The following DGKB variants were observed in gnomAD, a reference collection of about 807,000 sequenced individuals.
The protein encoded by DGKB is 90 kDa diacylglycerol kinase.
DGKB carries 67 observed loss-of-function variants against 114.3 expected under a neutral mutation model. The observed-to-expected ratio is 0.59, with a 90% CI of 0.48 to 0.72. The LOEUF (loss-of-function observed/expected upper bound fraction) is 0.72, where lower values mean the gene tolerates loss of function less well. Among genes scored for constraint, DGKB ranks in the 30% least tolerant of loss-of-function variants. DGKB has a pLI of 0.00. For missense variants in DGKB, 907 were observed against 975.2 expected (o/e 0.93, Z 0.93); for synonymous variants, 398 against 323.1 (o/e 1.23, Z -2.49).
At chr7:14,273,207 A>C (rs1320018046) in intron 23 of DGKB, among the ~76,000 whole-genome samples, 1 of 152,048 alleles carries the variant, frequency 6.6e-6, no homozygotes, top group Admixed American at 6.6e-5. Flanking sequence ...TTAGCTGGGC[A>C]TGGTGGGGCA....
chr7:14,731,238 CAGTT>C (rs1830870299), intron 5 of DGKB, among the ~76,000 whole-genome samples: 2 of 152,256 alleles, frequency 1.3e-5, no homozygotes, highest in South Asian at 4.1e-4. Flanking sequence ...CTTTCAAACA[CAGTT>C]AGTTTGGTAT....
intron 23 of DGKB, among the ~76,000 whole-genome samples, chr7:14,270,103 A>T (rs868855929): frequency 6.7e-6 from 1 of 150,070 alleles, no homozygotes; most frequent in Non-Finnish European, 1.5e-5. Context: ...GCACTTCACG[A>T]TAAGGGAGTT....
intron 21 of DGKB, among the ~76,000 whole-genome samples, chr7:14,371,533 T>A (rs1321710595): frequency 1.3e-5 from 2 of 152,186 alleles, no homozygotes; most frequent in East Asian, 3.9e-4. Flanking sequence ...CTTGTTAAAT[T>A]GTTTTGTTTC....
intron 15 of DGKB, among the ~76,000 whole-genome samples, chr7:14,617,761 G>C (rs943484578): frequency 6.6e-6 from 1 of 151,472 alleles, no homozygotes; most frequent in Non-Finnish European, 1.5e-5. Flanking sequence ...CTGACCCTAG[G>C]CATATACTTA....
intron 21 of DGKB, among the ~76,000 whole-genome samples, chr7:14,395,578 T>C (rs1373179037): frequency 1.3e-5 from 2 of 151,858 alleles, no homozygotes; most frequent in Non-Finnish European, 2.9e-5. Context: ...AATTTTAGCA[T>C]TCTAAAATCC....
At chr7:14,570,525 T>C (rs780153911) in intron 20 of DGKB, among the ~76,000 whole-genome samples, 1 of 152,212 alleles carries the variant, frequency 6.6e-6, no homozygotes, top group Admixed American at 6.5e-5. Context: ...GCCTTACCAA[T>C]AACATAAAGC....
At chr7:14,974,619 TATA>T (rs1285191253) in intron 1 of DGKB, 12 of 152,248 alleles carry the variant, frequency 7.9e-5, no homozygotes, top group Admixed American at 3.3e-4. Context: ...ATCCTTATGT[TATA>T]ATGATAAAAC....
intron 20 of DGKB, among the ~76,000 whole-genome samples, chr7:14,510,898 CATA>C (rs1289361240): frequency 3.3e-5 from 5 of 152,140 alleles, no homozygotes; most frequent in Admixed American, 1.3e-4. Flanking sequence ...GCAAATGAAT[CATA>C]ATATTTTGAA....
intron 17 of DGKB, among the ~76,000 whole-genome samples, chr7:14,591,756 C>T (rs954401310): frequency 1.3e-5 from 2 of 151,946 alleles, no homozygotes; most frequent in Admixed American, 1.3e-4. Flanking sequence ...AATTGTGATG[C>T]TTAATATTAC....
chr7:14,592,451 C>T (rs922551874), intron 17 of DGKB, among the ~76,000 whole-genome samples: 40 of 151,910 alleles, frequency 2.6e-4, no homozygotes, highest in African/African-American at 9.7e-4. Flanking sequence ...TACACAGTTA[C>T]ATACTATATT....
At chr7:14,278,799 C>T (rs1799414339) in intron 23 of DGKB, among the ~76,000 whole-genome samples, 1 of 151,962 alleles carries the variant, frequency 6.6e-6, no homozygotes, top group African/African-American at 2.4e-5. Flanking sequence ...ACAAACAACT[C>T]AATAGGAAGA....
chr7:14,506,656 C>G (rs1028719527), intron 20 of DGKB, among the ~76,000 whole-genome samples: 10 of 152,128 alleles, frequency 6.6e-5, no homozygotes, highest in African/African-American at 2.4e-4. Context: ...ACGCACTAAC[C>G]TCTGAGGGCA....
intron 23 of DGKB, among the ~76,000 whole-genome samples, chr7:14,205,155 T>C (rs1786565317): frequency 6.6e-6 from 1 of 152,004 alleles, no homozygotes; most frequent in Non-Finnish European, 1.5e-5. Flanking sequence ...CACTGTGTAT[T>C]CATGTGACAC....
At chr7:14,946,424 A>C (rs1036550842) in intron 1 of DGKB, among the ~76,000 whole-genome samples, 5 of 151,904 alleles carry the variant, frequency 3.3e-5, no homozygotes, top group Admixed American at 6.6e-5. Flanking sequence ...ATTTCTTTGC[A>C]TCGTAATCAT....
At chr7:14,519,856 T>A (rs910556253) in intron 20 of DGKB, among the ~76,000 whole-genome samples, 1 of 151,988 alleles carries the variant, frequency 6.6e-6, no homozygotes, top group African/African-American at 2.4e-5. Flanking sequence ...AAATCTTTTG[T>A]GAAATGTCTG....
intron 13 of DGKB, among the ~76,000 whole-genome samples, chr7:14,645,627 G>A (rs1812810245): frequency 6.6e-6 from 1 of 151,552 alleles, no homozygotes; most frequent in South Asian, 2.1e-4. Flanking sequence ...GTCCCCATTA[G>A]ACTAACAACA....
chr7:14,443,593 C>A (rs73679767), intron 21 of DGKB, among the ~76,000 whole-genome samples: 1 of 151,956 alleles, frequency 6.6e-6, no homozygotes, highest in East Asian at 1.9e-4. Context: ...CTTCTATTGT[C>A]GATGTTGAAT....
intron 20 of DGKB, among the ~76,000 whole-genome samples, chr7:14,484,159 T>C (rs1783414886): frequency 6.6e-6 from 1 of 152,054 alleles, no homozygotes; most frequent in African/African-American, 2.4e-5. Context: ...TTAGAATCTA[T>C]AACTTAGCAA....
At chr7:14,709,874 A>G (rs1421034097) in intron 6 of DGKB, among the ~76,000 whole-genome samples, 1 of 148,044 alleles carries the variant, frequency 6.8e-6, no homozygotes, top group Admixed American at 6.8e-5. Context: ...CTAGATGAGG[A>G]GTTAGTGGGT....
Sources: allele counts gnomAD v4.1 joint callset (sites outside exome capture counted in the v4.1 genomes callset), GRCh38; gene constraint gnomAD v4.1.1; transcripts MANE v1.5; gene names NCBI Gene and HGNC (gene_info 2026-07-23, HGNC 2026-07-21).